ORC3: variants seen among roughly 807,000 people sequenced by gnomAD.
ORC3 encodes origin recognition complex subunit 3.
A neutral mutation model predicts 100.7 loss-of-function variants in ORC3; 78 were observed. The ratio of observed to expected loss-of-function variants is 0.77; its 90% CI spans 0.65 to 0.94. ORC3 has a LOEUF of 0.94. Ranked by LOEUF, ORC3 falls within the 40% of genes least tolerant of loss-of-function variation. The probability of loss-of-function intolerance (pLI) is 0.00; values close to 1 mark genes in which losing one functional copy is unlikely to be tolerated. For missense variants in ORC3, 789 were observed against 823.9 expected, an observed-to-expected ratio of 0.96 and a Z score of 0.52; for synonymous variants, 295 against 289.3, an observed-to-expected ratio of 1.02 and a Z score of -0.20.
chr6:87,607,832 TAA>T lies in ORC3; in HGVS notation c.579+10_579+11del. On this transcript the variant is annotated intron_variant, in intron 6 of 19. Coordinates refer to ENST00000392844, the MANE Select transcript of ORC3 (RefSeq NM_012381.4). ...TATATGACTGTCACACAGGTAGATA[TAA>T]ACTGATGATTTTCTCCCAGGAAATT... The T allele has an allele frequency of 6.3e-7, 1 of 1,592,356 alleles. No individual in the cohort carries two copies. The highest frequency in any genetic ancestry group is 8.6e-7 in the Non-Finnish European group (1 of 1,165,730).
chr6:87,626,021 C>G (rs1779874599), intron 11 of ORC3, among the ~76,000 whole-genome samples: 1 of 152,072 alleles, frequency 6.6e-6, no homozygotes, highest in Non-Finnish European at 1.5e-5. Flanking sequence ...TTTCTGAGGC[C>G]TCTGTTCTGT....
rs1433003388 is a variant in ORC3, at chr6:87,644,087, T to C, written c.1382+7601T>C. ...ACAGATGGCTGACTGTCCTTTTTTT[T>C]TTTTTTTTTTTTTTTTTTTTTTTGA... On this transcript the variant is annotated intron_variant, in intron 13 of 19. Transcript: ENST00000392844. Among the ~76,000 whole-genome samples the C allele has an allele frequency of 3.8e-3, 270 of 71,952 alleles. 9 individuals carry two copies. The highest frequency in any genetic ancestry group is 0.014 in the African/African-American group (256 of 18,824). 47.2% of individuals were successfully genotyped at this position (71,952 alleles called of 152,430 possible).
At chr6:87,613,858 A>C (rs773544792) in intron 8 of ORC3, among the ~76,000 whole-genome samples, 1 of 152,210 alleles carries the variant, frequency 6.6e-6, no homozygotes, top group Non-Finnish European at 1.5e-5. Context: ...TGCAGGTTAC[A>C]GCCTCCCTCC....
intron 13 of ORC3, among the ~76,000 whole-genome samples, chr6:87,640,197 C>G (rs1768139513): frequency 6.6e-6 from 1 of 151,990 alleles, no homozygotes; most frequent in Non-Finnish European, 1.5e-5. Flanking sequence ...ACTGTTGAAA[C>G]CTGGAAAATA....
chr6:87,598,214 A>G (rs1025753505), intron 2 of ORC3, among the ~76,000 whole-genome samples: 20 of 151,298 alleles, frequency 1.3e-4, no homozygotes, highest in African/African-American at 4.1e-4. Context: ...TTTTAAGGTG[A>G]GATCTCACTT....
chr6:87,594,260 TA>T, intron 1 of ORC3, 92 bp from the exon 2 acceptor site: 7 of 817,186 alleles, frequency 8.6e-6, no homozygotes, highest in Non-Finnish European at 1.2e-5. Flanking sequence ...CATCTTTTTT[TA>T]AAAAAGTGCT....
At chr6:87,590,787 G>A (rs1489345161) in intron 1 of ORC3, among the ~76,000 whole-genome samples, 5 of 152,246 alleles carry the variant, frequency 3.3e-5, no homozygotes, top group Non-Finnish European at 7.4e-5. Flanking sequence ...CGGCCCAGAA[G>A]ATAGAAATAA....
At chr6:87,619,647 C>G (rs1779399364) in intron 9 of ORC3, among the ~76,000 whole-genome samples, 1 of 152,194 alleles carries the variant, frequency 6.6e-6, no homozygotes, top group African/African-American at 2.4e-5. Context: ...CTCCGGTGAT[C>G]CACCCACCTT....
chr6:87,639,753 G>A (rs1461632316), intron 13 of ORC3, among the ~76,000 whole-genome samples: 5 of 151,354 alleles, frequency 3.3e-5, no homozygotes, highest in African/African-American at 1.2e-4. Flanking sequence ...GCCAAGGTGG[G>A]CGGATCACTT....
At chr6:87,616,085 A>G (rs1779133015) in intron 8 of ORC3, among the ~76,000 whole-genome samples, 1 of 152,054 alleles carries the variant, frequency 6.6e-6, no homozygotes, top group Non-Finnish European at 1.5e-5. Flanking sequence ...GGAAGATGGT[A>G]TAGATCTTTG....
chr6:87,675,509 G>A, the ORC3 span: 4 of 1,529,114 alleles, frequency 2.6e-6, no homozygotes, highest in South Asian at 2.3e-5. Flanking sequence ...TCACAGAAGG[G>A]GTATTGGCAT....
intron 13 of ORC3, among the ~76,000 whole-genome samples, chr6:87,651,985 G>T (rs775786529): frequency 2.7e-5 from 4 of 150,254 alleles, no homozygotes; most frequent in Non-Finnish European, 4.4e-5. Flanking sequence ...TGCAACCTCC[G>T]ACTCCCCGGT....
At chr6:87,607,884 A>C (rs557989779) in intron 6 of ORC3, 60 bp downstream of exon 6, 87 of 1,223,146 alleles carry the variant, frequency 7.1e-5, no homozygotes, top group African/African-American at 6.8e-4. Flanking sequence ...GTGGCTTGGA[A>C]TAATATTAGA....
intron 1 of ORC3, among the ~76,000 whole-genome samples, chr6:87,593,844 A>G (rs976724030): frequency 6.6e-6 from 1 of 152,280 alleles, no homozygotes; most frequent in African/African-American, 2.4e-5. Flanking sequence ...TTACAGGCTC[A>G]CACCAACACG....
chr6:87,633,399 AT>A (rs1457052517), intron 11 of ORC3, among the ~76,000 whole-genome samples: 1 of 152,122 alleles, frequency 6.6e-6, no homozygotes, highest in Non-Finnish European at 1.5e-5. Flanking sequence ...ATGATAGGAG[AT>A]TTAGATTTTG....
chr6:87,654,646 C>A (rs1769530093), intron 14 of ORC3, among the ~76,000 whole-genome samples: 1 of 152,200 alleles, frequency 6.6e-6, no homozygotes, highest in African/African-American at 2.4e-5. Context: ...ATAGTGATCA[C>A]TGGATCAGCA....
At chr6:87,602,954 A>ATTTATATATATATATATATATATATATAT (rs1554236515) in intron 3 of ORC3, among the ~76,000 whole-genome samples, 21 of 95,218 alleles carry the variant, frequency 2.2e-4, no homozygotes, top group South Asian at 3.3e-4. Context: ...ACACATATAT[A>ATTTATATATATATATATATATATATATAT]ATATATATAT....
chr6:87,668,556 G>C (rs1770764680), downstream of ORC3, among the ~76,000 whole-genome samples: 6 of 152,262 alleles, frequency 3.9e-5, no homozygotes, highest in South Asian at 1.2e-3. Context: ...CTTCATTCAG[G>C]AATGTAAAAG....
At chr6:87,609,488 G>T in intron 7 of ORC3, 1 of 292,590 alleles carries the variant, frequency 3.4e-6, no homozygotes. Flanking sequence ...TTCTCACCAA[G>T]ATTGACTGTC....
Sources: allele counts gnomAD v4.1 joint callset (sites outside exome capture counted in the v4.1 genomes callset), GRCh38; gene constraint gnomAD v4.1.1; transcripts MANE v1.5; gene names NCBI Gene and HGNC (gene_info 2026-07-23, HGNC 2026-07-21).